Variants in KIFC3 observed in about 807,000 individuals in gnomAD.
KIFC3 encodes kinesin-like protein KIFC3.
A neutral mutation model predicts 101.8 loss-of-function variants in KIFC3; 60 were observed. The ratio of observed to expected loss-of-function variants is 0.59; its 90% CI spans 0.48 to 0.73. The LOEUF is 0.73. Ranked by LOEUF, KIFC3 falls within the 30% of genes least tolerant of loss-of-function variation. The probability of loss-of-function intolerance (pLI) is 0.00; values close to 1 mark genes in which losing one functional copy is unlikely to be tolerated. For missense variants in KIFC3, 966 were observed against 1,137.1 expected (o/e 0.85, Z 2.16); for synonymous variants, 476 against 482.7 (o/e 0.99, Z 0.18).
intron 3 of KIFC3, among the ~76,000 whole-genome samples, chr16:57,792,522 C>G (rs985070176): frequency 1.1e-4 from 17 of 152,248 alleles, no homozygotes; most frequent in African/African-American, 3.9e-4. Context: ...GAGCTCACTG[C>G]AATCAGAAAC....
In KIFC3 at chr16:57,798,119, G is replaced by C; in HGVS notation, c.125C>G (p.Pro42Arg). The C allele has an allele frequency of 6.4e-7, 1 of 1,568,006 alleles. No homozygotes were observed. The highest frequency in any genetic ancestry group is 8.6e-7 in the Non-Finnish European group (1 of 1,157,070). Residue 42 changes from proline to arginine, a missense_variant, in exon 2 of 20, where the codon CCG becomes CGG. Around this residue, in one of 2 missense-constraint regions of KIFC3, gnomAD observed 277 missense variants for 252.5 expected, o/e 1.10. Transcript: ENST00000445690. ...GGTGTGTGGGAAAGGGCGGGCGGCC[G>C]GGCTGGCTGGGGCTGGGGCGGGGCG... ...MARPAPAPAS[P>R]AARPFPHTGP...
intron 9 of KIFC3, 87 bp from the exon 10 acceptor site, chr16:57,767,072 C>T (rs2050578649): frequency 2.0e-6 from 2 of 1,006,146 alleles, no homozygotes; most frequent in South Asian, 1.3e-5. Context: ...TGCTCACTGC[C>T]TCCTGCCCCT....
At chr16:57,855,049 A>G (rs1278285718) in intron 1 of KIFC3, among the ~76,000 whole-genome samples, 3 of 151,976 alleles carry the variant, frequency 2.0e-5, no homozygotes, top group African/African-American at 7.2e-5. Flanking sequence ...GCAAGATGCC[A>G]TCTCTACAAA....
At chr16:57,861,297 A>G (rs1375821978) in intron 1 of KIFC3, among the ~76,000 whole-genome samples, 1 of 152,116 alleles carries the variant, frequency 6.6e-6, no homozygotes, top group African/African-American at 2.4e-5. Context: ...AGCCATAAAT[A>G]TCTTGTGACC....
chr16:57,772,790 G>A (rs989719886), intron 3 of KIFC3, among the ~76,000 whole-genome samples: 2 of 152,170 alleles, frequency 1.3e-5, no homozygotes, highest in South Asian at 2.1e-4. Flanking sequence ...AAGTCAGCCT[G>A]TGGAGATGGG....
chr16:57,841,538 G>C lies in KIFC3; in HGVS notation c.108+21191C>G, dbSNP rs1016532344. ...AAAAATTAGCCAGGCCTGGTGGCAT[G>C]TGCCTGTAAACCCAGCTGCTTGGGA... On this transcript the variant is annotated intron_variant, in intron 1 of 2. Coordinates refer to the KIFC3 transcript ENST00000563028. Among the ~76,000 whole-genome samples, 15 of 152,120 alleles carry C rather than the reference G, an allele frequency of 9.9e-5. 1 individual carries two copies. The highest frequency in any genetic ancestry group is 3.4e-4 in the African/African-American group (14 of 41,442).
intron 3 of KIFC3, chr16:57,782,211 A>C: frequency 6.7e-6 from 6 of 891,776 alleles, no homozygotes; most frequent in Non-Finnish European, 8.1e-6. Context: ...TCCACCCCCA[A>C]ACTGCAATGC....
chr16:57,820,069 AT>A (rs1480271540), intron 1 of KIFC3, among the ~76,000 whole-genome samples: 2 of 151,332 alleles, frequency 1.3e-5, no homozygotes, highest in Non-Finnish European at 2.9e-5. Context: ...GGGTTTCACT[AT>A]GTTGGCCAGG....
intron 10 of KIFC3, 75 bp downstream of exon 10, chr16:57,766,799 G>C: frequency 1.1e-6 from 1 of 933,452 alleles, no homozygotes; most frequent in Admixed American, 1.9e-5. Flanking sequence ...ATGGTGGGGT[G>C]AGCTCCAAGC....
chr16:57,773,407 C>T (rs1472791539), intron 3 of KIFC3, among the ~76,000 whole-genome samples: 3 of 152,186 alleles, frequency 2.0e-5, no homozygotes, highest in Admixed American at 6.5e-5. Flanking sequence ...GAGGTGAGAA[C>T]GCACACCCAG....
chr16:57,827,218 C>T (rs1555630947), intron 1 of KIFC3, among the ~76,000 whole-genome samples: 2 of 152,210 alleles, frequency 1.3e-5, no homozygotes, highest in African/African-American at 4.8e-5. Context: ...TGGTGGGAGC[C>T]TGGCGTCAGC....
At chr16:57,759,451 A>C (rs1409800788) in intron 18 of KIFC3, 10 of 580,512 alleles carry the variant, frequency 1.7e-5, no homozygotes, top group Non-Finnish European at 3.1e-5. Flanking sequence ...CTCAGAGAGC[A>C]GGGTCCCAGG....
chr16:57,791,551 C>T (rs561814439), intron 3 of KIFC3, among the ~76,000 whole-genome samples: 7 of 152,286 alleles, frequency 4.6e-5, no homozygotes, highest in Middle Eastern at 3.4e-3. Flanking sequence ...CACTCTGGCC[C>T]CACATCTTCG....
intron 1 of KIFC3, among the ~76,000 whole-genome samples, chr16:57,842,066 T>C (rs173511): frequency 0.84 from 127,287 of 152,070 alleles, 53,459 homozygotes; most frequent in East Asian, 0.95. Context: ...CATGGTGATG[T>C]GCACCTGTAA....
chr16:57,820,256 T>C (rs1364487843), intron 1 of KIFC3, among the ~76,000 whole-genome samples: 1 of 152,190 alleles, frequency 6.6e-6, no homozygotes, highest in Non-Finnish European at 1.5e-5. Context: ...AGCTGTCCAC[T>C]TTTCAGAGTG....
At chr16:57,828,767 G>A (rs1568092757) in intron 1 of KIFC3, among the ~76,000 whole-genome samples, 1 of 152,102 alleles carries the variant, frequency 6.6e-6, no homozygotes, top group African/African-American at 2.4e-5. Flanking sequence ...ACTCCCTACA[G>A]GAGGCACTCA....
intron 1 of KIFC3, among the ~76,000 whole-genome samples, chr16:57,841,246 A>G (rs2055804246): frequency 6.6e-6 from 1 of 152,198 alleles, no homozygotes; most frequent in South Asian, 2.1e-4. Flanking sequence ...AGGGAGTTGT[A>G]ATTTCTAGTA....
At chr16:57,800,110 AAAAT>A (rs60844384) in intron 1 of KIFC3, among the ~76,000 whole-genome samples, 15 of 151,742 alleles carry the variant, frequency 9.9e-5, no homozygotes, top group Non-Finnish European at 1.9e-4. Flanking sequence ...TTGAGAGGCA[AAAAT>A]AAATAAATAA....
intron 1 of KIFC3, among the ~76,000 whole-genome samples, chr16:57,835,125 A>G (rs2055661012): frequency 1.3e-5 from 2 of 152,194 alleles, no homozygotes; most frequent in African/African-American, 4.8e-5. Flanking sequence ...TGTTCTAGGT[A>G]CAGTCATGGG....
Sources: allele counts gnomAD v4.1 joint callset (sites outside exome capture counted in the v4.1 genomes callset), GRCh38; gene constraint gnomAD v4.1.1; regional missense constraint gnomAD v4.1.1; transcripts MANE v1.5; gene names NCBI Gene and HGNC (gene_info 2026-07-23, HGNC 2026-07-21).